The following AKT3 variants were observed in gnomAD, a reference collection of about 807,000 sequenced individuals.
The protein encoded by AKT3 is AKT serine/threonine kinase 3, also known as RAC-gamma serine/threonine-protein kinase.
A neutral mutation model predicts 65.3 loss-of-function variants in AKT3; 15 were observed. The ratio of observed to expected loss-of-function variants is 0.23; its 90% CI spans 0.15 to 0.35. The LOEUF (loss-of-function observed/expected upper bound fraction) is 0.35. Ranked by LOEUF, AKT3 falls within the 10% of genes least tolerant of loss-of-function variation. The pLI, the probability that AKT3 is intolerant of heterozygous loss-of-function variation, is 1.00. For missense variants in AKT3, 243 were observed against 576.5 expected, an observed-to-expected ratio of 0.42 and a Z score of 5.92; for synonymous variants, 206 against 183.8, an observed-to-expected ratio of 1.12 and a Z score of -0.98.
At chr1:243,774,673 C>T (rs1340867609) in intron 2 of AKT3, among the ~76,000 whole-genome samples, 1 of 152,164 alleles carries the variant, frequency 6.6e-6, no homozygotes, top group Non-Finnish European at 1.5e-5. Context: ...TTAGGATATA[C>T]TATTTGCTCT....
chr1:243,781,090 A>G (rs1024206023), intron 2 of AKT3, among the ~76,000 whole-genome samples: 1 of 152,122 alleles, frequency 6.6e-6, no homozygotes, highest in Non-Finnish European at 1.5e-5. Flanking sequence ...CTGTTAATAG[A>G]GCTATACAGC....
chr1:243,838,495 A>G (rs1695035943), intron 2 of AKT3, among the ~76,000 whole-genome samples: 2 of 152,292 alleles, frequency 1.3e-5, no homozygotes, highest in Admixed American at 6.5e-5. Context: ...AATGAACAAA[A>G]AAAAACACAT....
At chr1:243,568,506 C>T (rs1057316910) in intron 9 of AKT3, among the ~76,000 whole-genome samples, 1 of 150,580 alleles carries the variant, frequency 6.6e-6, no homozygotes, top group African/African-American at 2.4e-5. Flanking sequence ...ACATTTTTTG[C>T]CCAGTTGAAG....
chr1:243,827,721 TAAGAAA>T (rs1368856903), intron 2 of AKT3, among the ~76,000 whole-genome samples: 1 of 152,164 alleles, frequency 6.6e-6, no homozygotes, highest in East Asian at 1.9e-4. Context: ...CTATTTCATT[TAAGAAA>T]AAGTGTTGAA....
At chr1:243,610,566 T>C (rs1476716375) in intron 8 of AKT3, among the ~76,000 whole-genome samples, 1 of 152,246 alleles carries the variant, frequency 6.6e-6, no homozygotes, top group Non-Finnish European at 1.5e-5. Flanking sequence ...CCCTTGGTCA[T>C]CCATTCATCC....
intron 2 of AKT3, among the ~76,000 whole-genome samples, chr1:243,748,458 T>C (rs938301293): frequency 6.6e-6 from 1 of 152,118 alleles, no homozygotes; most frequent in Admixed American, 6.5e-5. Flanking sequence ...ACATGCACAA[T>C]CTTCACCACT....
At chr1:243,548,682 A>G (rs1465108356) in intron 11 of AKT3, among the ~76,000 whole-genome samples, 2 of 152,242 alleles carry the variant, frequency 1.3e-5, no homozygotes, top group African/African-American at 4.8e-5. Flanking sequence ...GCTACTACAA[A>G]TTCCTTTACT....
At chr1:243,776,984 T>C (rs1410341450) in intron 2 of AKT3, among the ~76,000 whole-genome samples, 2 of 152,176 alleles carry the variant, frequency 1.3e-5, no homozygotes, top group African/African-American at 2.4e-5. Context: ...CAGACAGTAA[T>C]ACAATGTAAT....
Position 243,489,139 on chromosome 1 carries a change from A to G in AKT3, c.*7-689T>C. The G allele has an allele frequency of 1.2e-6, 2 of 1,612,106 alleles. No individual in the cohort carries two copies. The highest frequency in any genetic ancestry group is 1.7e-6 in the Non-Finnish European group (2 of 1,179,828). On this transcript the variant is annotated intron_variant, in intron 13 of 13. Coordinates refer to the AKT3 transcript ENST00000336199. ...GAAGAGGTGGACCGGCTGCGGACCCAGGTACTGTGCAGAACGCGGCGCAGG... is the reference window on the plus strand; with the variant it reads ...GAAGAGGTGGACCGGCTGCGGACCCGGGTACTGTGCAGAACGCGGCGCAGG...
intron 10 of AKT3, among the ~76,000 whole-genome samples, chr1:243,554,623 A>G (rs1673290614): frequency 2.0e-5 from 3 of 152,314 alleles, no homozygotes; most frequent in East Asian, 1.9e-4. Context: ...CTCATGGCCA[A>G]TTAGTACAAT....
At chr1:243,817,436 A>C (rs1444687696) in intron 2 of AKT3, among the ~76,000 whole-genome samples, 1 of 152,190 alleles carries the variant, frequency 6.6e-6, no homozygotes, top group East Asian at 1.9e-4. Context: ...CCCTGCTAGA[A>C]AATAATATTT....
chr1:243,725,248 A>G (rs977818621), intron 2 of AKT3, among the ~76,000 whole-genome samples: 1 of 152,064 alleles, frequency 6.6e-6, no homozygotes, highest in African/African-American at 2.4e-5. Flanking sequence ...GGGCAGTAAG[A>G]AAAGTTCTGG....
intron 8 of AKT3, among the ~76,000 whole-genome samples, chr1:243,582,910 G>C (rs190485440): frequency 6.6e-6 from 1 of 151,276 alleles, no homozygotes; most frequent in Non-Finnish European, 1.5e-5. Context: ...TAAAGGTTTG[G>C]AGAAAGAGCT....
intron 2 of AKT3, among the ~76,000 whole-genome samples, chr1:243,747,235 T>A (rs947973608): frequency 1.3e-5 from 2 of 152,192 alleles, no homozygotes; most frequent in African/African-American, 4.8e-5. Context: ...TATAGGATAT[T>A]ATTTTCACCG....
intron 4 of AKT3, among the ~76,000 whole-genome samples, chr1:243,655,594 G>C (rs769826920): frequency 6.6e-6 from 1 of 152,080 alleles, no homozygotes; most frequent in Non-Finnish European, 1.5e-5. Context: ...GTTTACATTT[G>C]CTTTTAGCAA....
At chr1:243,527,871 AC>A (rs1671221590) in intron 12 of AKT3, among the ~76,000 whole-genome samples, 5 of 46,146 alleles carry the variant, frequency 1.1e-4, no homozygotes, top group Admixed American at 2.5e-4. Flanking sequence ...ATCTCTTAAA[AC>A]ACACACACAC....
chr1:243,523,994 A>AC (rs746309033), intron 12 of AKT3, among the ~76,000 whole-genome samples: 1 of 152,222 alleles, frequency 6.6e-6, no homozygotes, highest in Non-Finnish European at 1.5e-5. Context: ...GTACTTACAT[A>AC]CAAGCCTAGA....
intron 8 of AKT3, among the ~76,000 whole-genome samples, chr1:243,597,425 T>C (rs1676695807): frequency 1.3e-5 from 2 of 151,740 alleles, no homozygotes; most frequent in South Asian, 4.2e-4. Context: ...TTAGAGTGGT[T>C]TTTATCTTCT....
intron 9 of AKT3, among the ~76,000 whole-genome samples, chr1:243,571,134 C>G (rs963356458): frequency 6.6e-6 from 1 of 151,936 alleles, no homozygotes; most frequent in African/African-American, 2.4e-5. Context: ...CTGGCCAACT[C>G]CGTGAAACCC....
Sources: allele counts gnomAD v4.1 joint callset (sites outside exome capture counted in the v4.1 genomes callset), GRCh38; gene constraint gnomAD v4.1.1; transcripts MANE v1.5; gene names NCBI Gene and HGNC (gene_info 2026-07-23, HGNC 2026-07-21).